BAD: variants seen among roughly 807,000 people sequenced by gnomAD.
The protein encoded by BAD is bcl2-associated agonist of cell death.
A neutral mutation model predicts 17.8 loss-of-function variants in BAD; 18 were observed. The observed-to-expected ratio is 1.01, with a 90% CI of 0.70 to 1.50. The LOEUF (loss-of-function observed/expected upper bound fraction) is 1.50. Ranked by LOEUF, BAD falls within the 40% of genes most tolerant of loss-of-function variation. The pLI is 0.00. For missense variants in BAD, 294 were observed against 239.3 expected (o/e 1.23, Z -1.51); for synonymous variants, 112 against 91.5 (o/e 1.22, Z -1.28).
chr11:64,270,394 G>T, intron 3 of BAD, 57 bp from the exon 4 acceptor site: 3 of 1,496,566 alleles, frequency 2.0e-6, no homozygotes, highest in Non-Finnish European at 1.8e-6. Context: ...CTCGAGCCAG[G>T]CTCTCCACTT....
intron 2 of BAD, among the ~76,000 whole-genome samples, chr11:64,273,207 T>C (rs1011328315): frequency 3.3e-5 from 5 of 152,114 alleles, no homozygotes; most frequent in African/African-American, 1.2e-4. Flanking sequence ...ACTCCGTCTC[T>C]ACTAAAAATA....
At chr11:64,276,652 C>G in intron 2 of BAD, 1 of 455,352 alleles carries the variant, frequency 2.2e-6, no homozygotes, top group Non-Finnish European at 3.9e-6. Flanking sequence ...AAAAAGTGTT[C>G]TATTTACAGG....
chr11:64,283,728 C>T (rs1256739413), intron 2 of BAD, among the ~76,000 whole-genome samples: 1 of 152,190 alleles, frequency 6.6e-6, no homozygotes, highest in Non-Finnish European at 1.5e-5. Flanking sequence ...TAGGCAGGCC[C>T]CTTTTCCTTT....
chr11:64,272,494 C>A (rs774818113), intron 2 of BAD, among the ~76,000 whole-genome samples: 4 of 152,150 alleles, frequency 2.6e-5, no homozygotes, highest in East Asian at 1.9e-4. Context: ...CTGCAAGGGA[C>A]CTGCAGAGCC....
rs1179134072 is a variant in BAD at position 64,269,968 on chromosome 11, C to T, written c.*241G>A. The T allele has an allele frequency of 1.3e-6, 1 of 770,142 alleles. No homozygotes were observed. The highest frequency in any genetic ancestry group is 2.7e-5 in the East Asian group (1 of 37,488). 47.7% of individuals were successfully genotyped at this position (770,142 alleles called of 1,614,324 possible). On this transcript the variant is annotated 3_prime_UTR_variant, in exon 4 of 4. Transcript: ENST00000309032. ...AGGCGCCTGGGGGAAAGCCCGGAGCCTGAGGGCGGGGCCACGGAGCCACTT... is the reference window on the plus strand; with the variant it reads ...AGGCGCCTGGGGGAAAGCCCGGAGCTTGAGGGCGGGGCCACGGAGCCACTT...
intron 3 of BAD, 140 bp downstream of exon 3, chr11:64,271,472 TG>T: frequency 1.2e-6 from 1 of 861,618 alleles, no homozygotes; most frequent in Non-Finnish European, 1.6e-6. Flanking sequence ...CAGAATGCTC[TG>T]GAGCTAGGAA....
In BAD at chr11:64,270,171, A is replaced by G; in HGVS notation, c.*38T>C. The G allele has an allele frequency of 1.9e-6, 3 of 1,613,908 alleles. No homozygotes were observed. Among genetic ancestry groups the G allele is most frequent in the Non-Finnish European group, 8.5e-7 (1 of 1,179,934 alleles). ...CATATTCAAGATGGCTGCCCAGGGC[A>G]GTGGGAACGGGTGGAGTTTCGGGAT... On this transcript the variant is annotated 3_prime_UTR_variant, in exon 4 of 4. Coordinates refer to ENST00000309032, the MANE Select transcript of BAD (RefSeq NM_032989.3).
intron 2 of BAD, among the ~76,000 whole-genome samples, chr11:64,273,692 C>A (rs1397569484): frequency 6.6e-6 from 1 of 151,492 alleles, no homozygotes; most frequent in Non-Finnish European, 1.5e-5. Context: ...CCAGACTGAC[C>A]AAGATGGTAA....
rs183535218 is a variant in BAD, at chr11:64,276,503, T to A, written c.188-4700A>T. 50 of 158,326 alleles carry A rather than the reference T, an allele frequency of 3.2e-4. 1 individual carries two copies. Among genetic ancestry groups the A allele is most frequent in the Admixed American group, 2.5e-3 (40 of 15,972 alleles). 9.8% of individuals were successfully genotyped at this position (158,326 alleles called of 1,614,324 possible). ...CACCATGCCCAGCTAATTTTTGTAT[T>A]TTTAGTAGAGACGGGGTTTCACCAT... On this transcript the variant is annotated intron_variant, in intron 2 of 3. Coordinates refer to ENST00000309032, the MANE Select transcript of BAD (RefSeq NM_032989.3).
At position 64,273,855 on chromosome 11, in the gene BAD, C is replaced by CAAAAA. The variant is rs34577596; in HGVS notation, c.188-2057_188-2053dup. Among the ~76,000 whole-genome samples, 51 of 54,724 alleles carry CAAAAA rather than the reference C, an allele frequency of 9.3e-4. 1 individual carries two copies. The highest frequency in any genetic ancestry group is 6.7e-3 in the East Asian group (10 of 1,486). The allele number at this position is 54,724 out of a possible 152,430, so 35.9% of individuals were successfully genotyped here. A position where few individuals can be genotyped will look rare whatever the true frequency, so the allele number is the denominator to read the frequency against. ...CAAGATCACGCCACTGCACCCATCT[C>CAAAAA]AAAAAAAAAAAAAAAAAAAAAAAAA... On this transcript the variant is annotated intron_variant, in intron 2 of 3. Transcript: ENST00000309032.
At chr11:64,271,540 G>T in intron 3 of BAD, 73 bp downstream of exon 3, 2 of 1,334,550 alleles carry the variant, frequency 1.5e-6, no homozygotes, top group Non-Finnish European at 1.9e-6. Flanking sequence ...CGTGCCTTGG[G>T]ACAAGGCAGG....
chr11:64,281,358 GC>G (rs2033459280), intron 2 of BAD, among the ~76,000 whole-genome samples: 1 of 152,144 alleles, frequency 6.6e-6, no homozygotes, highest in Non-Finnish European at 1.5e-5. Flanking sequence ...TGCCAGTTCT[GC>G]TTTAAAAATA....
chr11:64,272,849 C>T (rs1341606952), intron 2 of BAD: 1 of 152,274 alleles, frequency 6.6e-6, no homozygotes, highest in African/African-American at 2.4e-5. Context: ...CTCTCTTAGC[C>T]TGTGTCCTCA....
Position 64,281,060 on chromosome 11 carries a change from C to T in BAD, c.187+3122G>A, listed in dbSNP as rs186715411. ...TCTGCTCACTGCAAGCTCCGCCTCCCGGGCTCACGCCATTCTCCTGCCTCA... is the reference window on the plus strand; with the variant it reads ...TCTGCTCACTGCAAGCTCCGCCTCCTGGGCTCACGCCATTCTCCTGCCTCA... On this transcript the variant is annotated intron_variant, in intron 2 of 3. Transcript: ENST00000309032. Among the ~76,000 whole-genome samples the T allele has an allele frequency of 5.1e-3, 765 of 150,838 alleles. 5 individuals carry two copies. Among genetic ancestry groups the T allele is most frequent in the African/African-American group, 0.018 (729 of 41,028 alleles).
intron 2 of BAD, among the ~76,000 whole-genome samples, chr11:64,280,358 A>ATAATAAT (rs1555069795): frequency 4.5e-5 from 6 of 132,316 alleles, no homozygotes; most frequent in African/African-American, 8.3e-5. Context: ...AATAATAATA[A>ATAATAAT]TTTTTTTTTT....
At position 64,272,615 on chromosome 11, in the gene BAD, C is replaced by G. The variant is rs575144072; in HGVS notation, c.188-812G>C. ...TTAGGTACCATTGATGGTGCACTTA[C>G]GTGTAGGCCGAGACATTCCCTTATT... On this transcript the variant is annotated intron_variant, in intron 2 of 3. Coordinates refer to ENST00000309032, the MANE Select transcript of BAD (RefSeq NM_032989.3). 7 of 152,370 alleles carry G rather than the reference C, an allele frequency of 4.6e-5. No homozygotes were observed. In the East Asian group the frequency reaches 9.6e-4, roughly 21 times the overall value. 9.4% of individuals were successfully genotyped at this position (152,370 alleles called of 1,614,324 possible).
intron 2 of BAD, 165 bp from the exon 3 acceptor site, chr11:64,271,968 G>T (rs1205628509): frequency 4.4e-6 from 2 of 451,900 alleles, no homozygotes; most frequent in Middle Eastern, 5.9e-4. Context: ...GTGAATCGAG[G>T]GGAAGCTCAG....
intron 2 of BAD, among the ~76,000 whole-genome samples, chr11:64,278,377 T>A (rs2033208178): frequency 6.7e-6 from 1 of 148,164 alleles, no homozygotes; most frequent in Admixed American, 6.8e-5. Flanking sequence ...AAAAAAATTA[T>A]ATATATATAT....
In BAD at chr11:64,269,941, G is replaced by A; in HGVS notation, c.*268C>T. 1 of 719,386 alleles carries A rather than the reference G, an allele frequency of 1.4e-6. No individual in the cohort carries two copies. 44.6% of individuals were successfully genotyped at this position (719,386 alleles called of 1,614,324 possible). Reference sequence around the variant, plus strand: ...GGTTAAACCTGGCTCGCGACTTAGCGCAGGCGCCTGGGGGAAAGCCCGGAG... The same window carrying A: ...GGTTAAACCTGGCTCGCGACTTAGCACAGGCGCCTGGGGGAAAGCCCGGAG... On this transcript the variant is annotated 3_prime_UTR_variant, in exon 4 of 4. Coordinates refer to ENST00000309032, the MANE Select transcript of BAD (RefSeq NM_032989.3).
Sources: allele counts gnomAD v4.1 joint callset (sites outside exome capture counted in the v4.1 genomes callset), GRCh38; gene constraint gnomAD v4.1.1; transcripts MANE v1.5; gene names NCBI Gene and HGNC (gene_info 2026-07-23, HGNC 2026-07-21).